The following GPCPD1 variants were observed in gnomAD, a reference collection of about 807,000 sequenced individuals.
GPCPD1 encodes the protein glycerophosphocholine phosphodiesterase GPCPD1.
Under a neutral mutation model 89.2 loss-of-function variants are expected in GPCPD1, and 29 were observed. The observed-to-expected ratio is 0.33, with a 90% CI of 0.24 to 0.44. The LOEUF is 0.44. Among genes scored for constraint, GPCPD1 ranks in the 20% least tolerant of loss-of-function variants. GPCPD1 has a pLI of 1.00. For missense variants in GPCPD1, 594 were observed against 808.9 expected (o/e 0.73, Z 3.22); for synonymous variants, 258 against 266.3 (o/e 0.97, Z 0.30).
At chr20:5,560,965 G>A (rs1172435901) in intron 16 of GPCPD1, among the ~76,000 whole-genome samples, 3 of 152,074 alleles carry the variant, frequency 2.0e-5, no homozygotes, top group Non-Finnish European at 2.9e-5. Context: ...TACTTGTCCC[G>A]AGCACTTGGA....
chr20:5,579,014 C>T (rs772485832), intron 7 of GPCPD1, among the ~76,000 whole-genome samples: 6 of 151,906 alleles, frequency 3.9e-5, no homozygotes, highest in Non-Finnish European at 8.8e-5. Context: ...ATGGTGAAAC[C>T]CCATCTGCAA....
chr20:5,567,684 A>G, intron 12 of GPCPD1, 124 bp from the exon 13 acceptor site: 1 of 899,860 alleles, frequency 1.1e-6, no homozygotes, highest in South Asian at 2.0e-5. Context: ...TTACTCAACA[A>G]TGAGAATAAC....
At chr20:5,600,613 C>G (rs1364450810) in intron 2 of GPCPD1, among the ~76,000 whole-genome samples, 1 of 152,192 alleles carries the variant, frequency 6.6e-6, no homozygotes, top group Non-Finnish European at 1.5e-5. Flanking sequence ...GCAGGCAGAT[C>G]ACTAGGTCAG....
At chr20:5,558,917 AC>A (rs1371095767) in intron 17 of GPCPD1, 98 bp from the exon 18 acceptor site, 1 of 924,140 alleles carries the variant, frequency 1.1e-6, no homozygotes. Flanking sequence ...AAGAAAACAA[AC>A]GAGGCCGGGC....
chr20:5,582,197 A>AC (rs1300349925), intron 6 of GPCPD1, among the ~76,000 whole-genome samples: 1 of 125,178 alleles, frequency 8.0e-6, no homozygotes, highest in East Asian at 2.0e-4. Flanking sequence ...AAAAAAAAAA[A>AC]AAAAAAAAAA....
intron 4 of GPCPD1, among the ~76,000 whole-genome samples, chr20:5,589,980 A>G (rs1979212203): frequency 6.6e-6 from 1 of 152,226 alleles, no homozygotes. Context: ...ATTAACAAAA[A>G]TATTTTTAAA....
chr20:5,595,262 G>A (rs961174341), intron 3 of GPCPD1, among the ~76,000 whole-genome samples: 5 of 152,068 alleles, frequency 3.3e-5, no homozygotes, highest in East Asian at 3.9e-4. Flanking sequence ...AAACCTGCAC[G>A]TTCTGCACAT....
Position 5,604,774 on chromosome 20 carries a change from T to TACACACACACACACACACACACACAC in GPCPD1, c.-28-360_-28-335dup, listed in dbSNP as rs11466989. ...GGGCAATATAGTGAGGCCTCATGTC[T>TACACACACACACACACACACACACAC]ACACACACACACACACACACACACA... On this transcript the variant is annotated intron_variant, in intron 1 of 19. Transcript: ENST00000379019. Among the ~76,000 whole-genome samples the TACACACACACACACACACACACACAC allele has an allele frequency of 1.9e-3, 259 of 139,162 alleles. 2 individuals carry two copies. The highest frequency in any genetic ancestry group is 3.5e-3 in the Middle Eastern group (1 of 284). 91.3% of individuals were successfully genotyped at this position (139,162 alleles called of 152,430 possible).
At chr20:5,557,509 T>C (rs1985841534) in intron 19 of GPCPD1, among the ~76,000 whole-genome samples, 1 of 152,216 alleles carries the variant, frequency 6.6e-6, no homozygotes, top group African/African-American at 2.4e-5. Context: ...TCACTTATAC[T>C]GAAATCAGGA....
At chr20:5,581,403 G>C (rs543497766) in intron 6 of GPCPD1, among the ~76,000 whole-genome samples, 4 of 152,210 alleles carry the variant, frequency 2.6e-5, no homozygotes, top group Admixed American at 2.6e-4. Context: ...ATTTCAGAAA[G>C]AGCACATGGT....
chr20:5,555,089 T>G (rs557309446), intron 19 of GPCPD1, among the ~76,000 whole-genome samples: 1 of 152,302 alleles, frequency 6.6e-6, no homozygotes, highest in South Asian at 2.1e-4. Flanking sequence ...TTGCTTCTTA[T>G]GGATGAGGAA....
At position 5,545,734 on chromosome 20, in the gene GPCPD1, T is replaced by C. The variant is rs1334147344; in HGVS notation, c.*1927A>G. ...ACTGGTTCATAAGGTCAGGAAGAGATAGGACAGAAAGTGAGCAGGAAGGTT... is the reference window on the plus strand; with the variant it reads ...ACTGGTTCATAAGGTCAGGAAGAGACAGGACAGAAAGTGAGCAGGAAGGTT... On this transcript the variant is annotated 3_prime_UTR_variant, in exon 20 of 20. Coordinates refer to ENST00000379019, the MANE Select transcript of GPCPD1 (RefSeq NM_019593.5). 6.6e-6 allele frequency: 1 copy of C among 152,286 alleles called. No individual in the cohort carries two copies. The highest frequency in any genetic ancestry group is 1.5e-5 in the Non-Finnish European group (1 of 68,088). The allele number at this position is 152,286 out of a possible 1,614,324, so 9.4% of individuals were successfully genotyped here. A position where few individuals can be genotyped will look rare whatever the true frequency, so the allele number is the denominator to read the frequency against.
chr20:5,570,285 G>T, intron 11 of GPCPD1, 46 bp from the exon 12 acceptor site: 1 of 926,096 alleles, frequency 1.1e-6, no homozygotes, highest in Non-Finnish European at 1.7e-6. Context: ...CTGGTACACA[G>T]TACCTCTCAA....
chr20:5,585,933 A>G (rs1978890865), intron 5 of GPCPD1: 1 of 341,012 alleles, frequency 2.9e-6, no homozygotes, highest in Admixed American at 4.6e-5. Context: ...ATTCCAAATG[A>G]AAGTGAATAT....
chr20:5,580,059 T>C lies in GPCPD1; in HGVS notation c.422A>G (p.Glu141Gly), dbSNP rs1978349620. 6 of 1,514,484 alleles carry C rather than the reference T, an allele frequency of 4.0e-6. No homozygotes were observed. The highest frequency in any genetic ancestry group is 1.1e-5 in the South Asian group (1 of 88,592). The allele number at this position is 1,514,484 out of a possible 1,614,324, so 93.8% of individuals were successfully genotyped here. A position where few individuals can be genotyped will look rare whatever the true frequency, so the allele number is the denominator to read the frequency against. ...TEIRLRLHYSEKPPVSITKKK... is the reference protein window; with the variant it reads ...TEIRLRLHYSGKPPVSITKKK... ...CTTGGTTATTGACACAGGAGGTTTT[T>C]CAGAATAATGCAAACGTAATCTTAT... The change falls in exon 7 of 20, where the codon GAA becomes GGA. Residue 141 changes from glutamate (E) to glycine (G), a missense_variant. By Grantham distance (98) the Glu-to-Gly change is moderately conservative. Transcript: ENST00000379019.
At chr20:5,586,857 A>G (rs1406976915) in intron 4 of GPCPD1, among the ~76,000 whole-genome samples, 2 of 152,208 alleles carry the variant, frequency 1.3e-5, no homozygotes, top group African/African-American at 4.8e-5. Context: ...CAGTGTTTCT[A>G]AAGAACACGG....
chr20:5,599,808 C>T (rs529236726), intron 2 of GPCPD1, among the ~76,000 whole-genome samples: 44 of 152,276 alleles, frequency 2.9e-4, no homozygotes, highest in Non-Finnish European at 6.0e-4. Context: ...CCGCCTTGGC[C>T]TCCCAAAGTG....
chr20:5,572,434 CAATT>C (rs1446578741), intron 11 of GPCPD1, among the ~76,000 whole-genome samples: 1 of 152,070 alleles, frequency 6.6e-6, no homozygotes, highest in Non-Finnish European at 1.5e-5. Context: ...AATAAGCTGT[CAATT>C]AAATTATGAC....
intron 15 of GPCPD1, among the ~76,000 whole-genome samples, chr20:5,564,734 G>A (rs1986285625): frequency 6.6e-6 from 1 of 152,168 alleles, no homozygotes; most frequent in South Asian, 2.1e-4. Flanking sequence ...CTATTTGAGA[G>A]ACTGAGTGAG....
Sources: gnomAD v4.1 joint callset for allele counts (sites outside exome capture counted in the v4.1 genomes callset) on GRCh38, gnomAD v4.1.1 for gene constraint, MANE v1.5 for transcripts, NCBI Gene and HGNC (gene_info 2026-07-23, HGNC 2026-07-21) for gene names.